Variants in MYO1D observed in about 807,000 individuals in gnomAD.
MYO1D encodes unconventional myosin-Id.
MYO1D carries 83 observed loss-of-function variants against 122.0 expected under a neutral mutation model. The ratio of observed to expected loss-of-function variants is 0.68; its 90% CI spans 0.57 to 0.82. The LOEUF is 0.82. MYO1D is among the 40% of genes least tolerant of loss of function. The pLI, the probability that MYO1D is intolerant of heterozygous loss-of-function variation, is 0.00. For synonymous variants in MYO1D, 464 were observed against 446.9 expected, an observed-to-expected ratio of 1.04 and a Z score of -0.48; for missense variants, 1,157 against 1,269.5, an observed-to-expected ratio of 0.91 and a Z score of 1.35.
At chr17:32,647,079 A>G (rs1244811342) in intron 19 of MYO1D, among the ~76,000 whole-genome samples, 1 of 152,196 alleles carries the variant, frequency 6.6e-6, no homozygotes, top group African/African-American at 2.4e-5. Flanking sequence ...GTTTTTCCCT[A>G]AACACTACAA....
intron 16 of MYO1D, among the ~76,000 whole-genome samples, chr17:32,706,954 C>A (rs1017225771): frequency 1.2e-4 from 18 of 152,086 alleles, no homozygotes; most frequent in African/African-American, 2.4e-4. Flanking sequence ...CCTCGGCCCC[C>A]CAAAGTGCTG....
At chr17:32,640,760 T>C (rs2088187065) in intron 19 of MYO1D, among the ~76,000 whole-genome samples, 1 of 151,852 alleles carries the variant, frequency 6.6e-6, no homozygotes, top group Non-Finnish European at 1.5e-5. Flanking sequence ...AGTCTTTATA[T>C]AGCAGCATTT....
rs774057311 is a variant in MYO1D, at chr17:32,494,958, A to C, written c.2865-43T>G. ...ACCAGACGGGCAGTTAGCAGGCAGC[A>C]TGAGAACAGGGCACCTGCCCGGCAG... On this transcript the variant is annotated intron_variant, in intron 21 of 21. Coordinates refer to ENST00000318217, the MANE Select transcript of MYO1D (RefSeq NM_015194.3). 3.2e-6 allele frequency: 5 copies of C among 1,555,156 alleles called. No homozygotes were observed. In the East Asian group the frequency reaches 9.5e-5, roughly 30 times the overall value.
chr17:32,502,870 G>C (rs1379240737), intron 21 of MYO1D, among the ~76,000 whole-genome samples: 1 of 152,212 alleles, frequency 6.6e-6, no homozygotes, highest in Non-Finnish European at 1.5e-5. Flanking sequence ...CTCCCTCTGA[G>C]GGTGCGCCAA....
In MYO1D at chr17:32,638,789, T is replaced by A; in HGVS notation, c.2642A>T (p.Asp881Val). Reference protein sequence around the residue: ...KVEDRAIFVTDRHLYKMDPTK... With the variant: ...KVEDRAIFVTVRHLYKMDPTK... ...GGGATCCATTTTATACAGGTGACGG[T>A]CAGTGACAAAAATTGCTCTGTCTTC... The change falls in exon 20 of 22, where the codon GAC becomes GTC. Residue 881 changes from aspartate to valine, a missense_variant. By Grantham distance (152) the Asp-to-Val change is radical. Coordinates refer to ENST00000318217, the MANE Select transcript of MYO1D (RefSeq NM_015194.3). 6.2e-7 allele frequency: 1 copy of A among 1,613,942 alleles called. No homozygotes were observed.
chr17:32,867,798 C>CA (rs5820001), intron 1 of MYO1D, among the ~76,000 whole-genome samples: 1,635 of 53,830 alleles, frequency 0.03, 112 homozygotes, highest in South Asian at 0.06. Flanking sequence ...GACTCCGTCT[C>CA]AAAAAAAAAA....
chr17:32,526,976 C>T (rs1330319330), intron 21 of MYO1D, among the ~76,000 whole-genome samples: 2 of 152,208 alleles, frequency 1.3e-5, no homozygotes, highest in Non-Finnish European at 1.5e-5. Flanking sequence ...AACATTCCTC[C>T]TCCCCAGTCC....
At position 32,707,177 on chromosome 17, in the gene MYO1D, C is replaced by A. The variant is rs2729336; in HGVS notation, c.2121+4811G>T. Among the ~76,000 whole-genome samples, 1,321 of 152,132 alleles carry A rather than the reference C, an allele frequency of 8.7e-3. 59 individuals carry two copies. The highest frequency in any genetic ancestry group is 0.076 in the Admixed American group (1,164 of 15,266). On this transcript the variant is annotated intron_variant, in intron 16 of 21. Transcript: ENST00000318217. ...ATGCATATTATATACAGATAGCTCC[C>A]ACAAATTCATAGGAAAAGGATGAAC...
chr17:32,856,935 C>G (rs1247345516), intron 1 of MYO1D, among the ~76,000 whole-genome samples: 2 of 152,202 alleles, frequency 1.3e-5, no homozygotes, highest in African/African-American at 4.8e-5. Flanking sequence ...ATCCCCTCCC[C>G]CCAAGTCTGT....
chr17:32,818,250 T>C (rs1433838151), intron 1 of MYO1D, among the ~76,000 whole-genome samples: 1 of 151,346 alleles, frequency 6.6e-6, no homozygotes, highest in Non-Finnish European at 1.5e-5. Context: ...ATCCTGCAAA[T>C]AGTCTGTAAA....
At chr17:32,720,066 T>C (rs1208195502) in intron 15 of MYO1D, among the ~76,000 whole-genome samples, 1 of 152,222 alleles carries the variant, frequency 6.6e-6, no homozygotes, top group Non-Finnish European at 1.5e-5. Flanking sequence ...TTTAATTTTC[T>C]GCATTTTTCT....
At chr17:32,677,580 A>AATATATATAT (rs10523328) in intron 16 of MYO1D, among the ~76,000 whole-genome samples, 65 of 135,860 alleles carry the variant, frequency 4.8e-4, no homozygotes, top group Middle Eastern at 3.8e-3. Context: ...TAGATAGATA[A>AATATATATAT]ATATATATAT....
chr17:32,843,953 C>G (rs2090909375), intron 1 of MYO1D, among the ~76,000 whole-genome samples: 1 of 151,670 alleles, frequency 6.6e-6, no homozygotes, highest in South Asian at 2.1e-4. Context: ...TATTTTACTT[C>G]TAGGAATCTA....
intron 1 of MYO1D, among the ~76,000 whole-genome samples, chr17:32,803,235 C>A (rs1410745749): frequency 6.6e-6 from 1 of 152,160 alleles, no homozygotes; most frequent in Middle Eastern, 3.2e-3. Context: ...CAGGCTCCGC[C>A]TCCCAGGTTC....
intron 19 of MYO1D, among the ~76,000 whole-genome samples, chr17:32,650,536 A>C (rs573952386): frequency 9.2e-5 from 14 of 152,174 alleles, no homozygotes; most frequent in African/African-American, 3.1e-4. Flanking sequence ...CACCTATATT[A>C]GGCCACAGGA....
intron 14 of MYO1D, among the ~76,000 whole-genome samples, chr17:32,727,008 A>G (rs1163906954): frequency 1.3e-5 from 2 of 152,192 alleles, no homozygotes; most frequent in Non-Finnish European, 2.9e-5. Flanking sequence ...TCAAGTAACC[A>G]CTATAACAGT....
At chr17:32,734,339 CA>C (rs2089671930) in intron 14 of MYO1D, among the ~76,000 whole-genome samples, 1 of 152,056 alleles carries the variant, frequency 6.6e-6, no homozygotes, top group Admixed American at 6.5e-5. Context: ...ATAATGTCTG[CA>C]CAGTAATAGC....
intron 19 of MYO1D, among the ~76,000 whole-genome samples, chr17:32,640,459 A>G (rs966527127): frequency 6.5e-5 from 9 of 137,540 alleles, no homozygotes; most frequent in Non-Finnish European, 1.1e-4. Flanking sequence ...ATATCTCCCA[A>G]TGCTATCCCT....
At chr17:32,594,569 G>A in intron 21 of MYO1D, 1 of 669,226 alleles carries the variant, frequency 1.5e-6, no homozygotes, top group Non-Finnish European at 2.7e-6. Flanking sequence ...GATGGTTTCT[G>A]TAACATAAAT....
Sources: allele counts gnomAD v4.1 joint callset (sites outside exome capture counted in the v4.1 genomes callset), GRCh38; gene constraint gnomAD v4.1.1; transcripts MANE v1.5; gene names NCBI Gene and HGNC (gene_info 2026-07-23, HGNC 2026-07-21).